NALCN: variants seen among roughly 807,000 people sequenced by gnomAD.
The protein encoded by NALCN is sodium leak channel NALCN.
A neutral mutation model predicts 225.3 loss-of-function variants in NALCN; 111 were observed. The observed-to-expected ratio is 0.49, with a 90% CI of 0.42 to 0.58. The LOEUF is 0.58. NALCN is among the 20% of genes least tolerant of loss of function. The pLI, the probability that NALCN is intolerant of heterozygous loss-of-function variation, is 0.00. For missense variants in NALCN, 1,378 were observed against 2,202.4 expected (o/e 0.63, Z 7.49); for synonymous variants, 764 against 769.0 (o/e 0.99, Z 0.11).
intron 11 of NALCN, among the ~76,000 whole-genome samples, chr13:101,245,198 G>A (rs1215718634): frequency 1.3e-5 from 2 of 152,150 alleles, no homozygotes; most frequent in Non-Finnish European, 2.9e-5. Context: ...CCCTTCTTCT[G>A]TTTCATATTC....
intron 14 of NALCN, chr13:101,180,751 T>C (rs1295059936): frequency 1.6e-5 from 4 of 256,536 alleles, no homozygotes; most frequent in Non-Finnish European, 3.1e-5. Context: ...TAGGGTCAAG[T>C]CTTGGATGTC....
chr13:101,395,118 G>T (rs1014801140), intron 3 of NALCN, 65 bp downstream of exon 3: 1 of 1,443,644 alleles, frequency 6.9e-7, no homozygotes, highest in Admixed American at 2.2e-5. Flanking sequence ...AAGAAAATAT[G>T]ATTAAAGGGA....
intron 7 of NALCN, among the ~76,000 whole-genome samples, chr13:101,309,151 G>A (rs1209282472): frequency 6.6e-6 from 1 of 151,976 alleles, no homozygotes; most frequent in South Asian, 2.1e-4. Context: ...CCATTTCAAG[G>A]CTTTAAAAAT....
chr13:101,135,291 C>T (rs1436369987), intron 17 of NALCN, among the ~76,000 whole-genome samples: 1 of 152,186 alleles, frequency 6.6e-6, no homozygotes, highest in Non-Finnish European at 1.5e-5. Context: ...CTAATATAAA[C>T]AGGAAGGCAA....
Position 101,104,153 on chromosome 13 carries a change from T to C in NALCN, c.2889+142A>G. On this transcript the variant is annotated intron_variant, in intron 25 of 43. Transcript: ENST00000251127. This position sits in a 1 kb window ranked among gnomAD's most constrained non-coding sequence, Gnocchi z 4.2. Reference sequence around the variant, plus strand: ...ATGCATGGCCCTTATTTGCATATAATGAACTACTCTAGAGTCCATTTAAGA... The same window carrying C: ...ATGCATGGCCCTTATTTGCATATAACGAACTACTCTAGAGTCCATTTAAGA... 2.3e-6 allele frequency: 2 copies of C among 873,450 alleles called. No individual in the cohort carries two copies. Among genetic ancestry groups the C allele is most frequent in the Non-Finnish European group, 1.7e-6 (1 of 597,306 alleles). 54.1% of individuals were successfully genotyped at this position (873,450 alleles called of 1,614,324 possible).
chr13:101,315,025 G>A (rs2044504036), intron 7 of NALCN, among the ~76,000 whole-genome samples: 1 of 23,588 alleles, frequency 4.2e-5, no homozygotes, highest in South Asian at 1.4e-3. Flanking sequence ...GGTTAACGAT[G>A]GAGAGAGGCT....
intron 2 of NALCN, among the ~76,000 whole-genome samples, chr13:101,396,047 G>C (rs924686781): frequency 4.0e-5 from 6 of 151,604 alleles, no homozygotes; most frequent in African/African-American, 1.5e-4. Flanking sequence ...CTTTATTTTG[G>C]AGAACACATT....
chr13:101,386,988 G>A (rs1298487033), intron 3 of NALCN, among the ~76,000 whole-genome samples: 1 of 151,882 alleles, frequency 6.6e-6, no homozygotes, highest in Non-Finnish European at 1.5e-5. Flanking sequence ...TTGGGAGGCC[G>A]AGGCGGGTGG....
intron 13 of NALCN, among the ~76,000 whole-genome samples, chr13:101,223,512 C>A (rs765172220): frequency 3.3e-5 from 5 of 152,148 alleles, no homozygotes; most frequent in South Asian, 2.1e-4. Flanking sequence ...GTGCCTCTTT[C>A]TTTTCAATCT....
intron 2 of NALCN, 35 bp from the exon 3 acceptor site, chr13:101,395,400 A>C (rs776939069): frequency 6.3e-7 from 1 of 1,589,646 alleles, no homozygotes; most frequent in East Asian, 2.2e-5. Flanking sequence ...ACACGGCACC[A>C]TAACTGATAT....
intron 27 of NALCN, among the ~76,000 whole-genome samples, chr13:101,098,776 TGGCCTCGGCCTC>T (rs1270373036): frequency 6.6e-6 from 1 of 152,112 alleles, no homozygotes; most frequent in Non-Finnish European, 1.5e-5. Context: ...ATGGCGTTTT[TGGCCTCGGCCTC>T]GGCCTCTTAT....
At chr13:101,269,095 T>C (rs569461552) in intron 10 of NALCN, among the ~76,000 whole-genome samples, 72 of 152,238 alleles carry the variant, frequency 4.7e-4, no homozygotes, top group African/African-American at 1.7e-3. Flanking sequence ...TTTTCAACAA[T>C]GAAGTGTTCA....
intron 15 of NALCN, among the ~76,000 whole-genome samples, chr13:101,164,648 G>A (rs2038353203): frequency 6.6e-6 from 1 of 151,950 alleles, no homozygotes; most frequent in African/African-American, 2.4e-5. Flanking sequence ...GTGACTTCTT[G>A]GCTTAAACCT....
At chr13:101,097,619 C>T (rs1243543982) in intron 27 of NALCN, among the ~76,000 whole-genome samples, 1 of 152,126 alleles carries the variant, frequency 6.6e-6, no homozygotes, top group Non-Finnish European at 1.5e-5. Flanking sequence ...CTGTTTTCCT[C>T]ATTAGGAATG....
chr13:101,219,897 A>G (rs1490805735), intron 13 of NALCN, among the ~76,000 whole-genome samples: 1 of 152,162 alleles, frequency 6.6e-6, no homozygotes, highest in East Asian at 1.9e-4. Context: ...AAGTCTTACT[A>G]TGTGTAAGTA....
intron 15 of NALCN, among the ~76,000 whole-genome samples, chr13:101,172,205 G>C (rs1473121284): frequency 2.0e-5 from 3 of 151,842 alleles, no homozygotes; most frequent in Non-Finnish European, 4.4e-5. Context: ...GGAGAACACG[G>C]GCCCACCGAC....
chr13:101,167,225 ATTTCT>A (rs1329624375), intron 15 of NALCN, among the ~76,000 whole-genome samples: 2 of 152,138 alleles, frequency 1.3e-5, no homozygotes, highest in Admixed American at 1.3e-4. Context: ...GAATTTTAAG[ATTTCT>A]TTTCTATATC....
intron 18 of NALCN, chr13:101,116,881 G>A (rs781704775): frequency 3.9e-5 from 19 of 481,258 alleles, no homozygotes; most frequent in Non-Finnish European, 7.1e-5. Flanking sequence ...GTATAACTAA[G>A]AGAATAGATA....
At chr13:101,128,730 A>AT (rs11290264) in intron 17 of NALCN, among the ~76,000 whole-genome samples, 14,916 of 145,706 alleles carry the variant, frequency 0.1, 1,213 homozygotes, top group African/African-American at 0.24. Flanking sequence ...GCTAAGTAAC[A>AT]TTTTTTTTTT....
Sources: gnomAD v4.1 joint callset for allele counts (sites outside exome capture counted in the v4.1 genomes callset) on GRCh38, gnomAD v4.1.1 for gene constraint, Gnocchi (gnomAD v3.1) non-coding constraint, MANE v1.5 for transcripts, NCBI Gene and HGNC (gene_info 2026-07-23, HGNC 2026-07-21) for gene names.